NOL4: variants seen among roughly 807,000 people sequenced by gnomAD.
NOL4 encodes nucleolar protein 4.
Under a neutral mutation model 75.9 loss-of-function variants are expected in NOL4, and 17 were observed. The observed-to-expected ratio is 0.22, with a 90% CI of 0.15 to 0.34. NOL4 has a LOEUF of 0.34. NOL4 is among the 10% of genes least tolerant of loss of function. The probability of loss-of-function intolerance (pLI) is 1.00; values close to 1 mark genes in which losing one functional copy is unlikely to be tolerated. For missense variants in NOL4, 614 were observed against 793.5 expected (o/e 0.77, Z 2.72); for synonymous variants, 292 against 289.9 (o/e 1.01, Z -0.07).
chr18:34,089,795 A>G (rs2078420451), intron 5 of NOL4, among the ~76,000 whole-genome samples: 1 of 152,224 alleles, frequency 6.6e-6, no homozygotes, highest in African/African-American at 2.4e-5. Context: ...GGAAGCTGCT[A>G]AACATTATGC....
rs139026817 is a variant in NOL4 at position 34,020,568 on chromosome 18, G to A, written c.773-967C>T. On this transcript the variant is annotated intron_variant, in intron 5 of 10. Coordinates refer to ENST00000261592, the MANE Select transcript of NOL4 (RefSeq NM_003787.5). The stretch of plus-strand genomic sequence containing the variant: ...GTAGGTAAACATTTATACCAGTGTT[G>A]TTCATAATAGCAAAAAATTAGAAAT... 3.4e-3 allele frequency among the ~76,000 whole-genome samples: 513 copies of A among 152,178 alleles called. 3 individuals carry two copies. Among genetic ancestry groups the A allele is most frequent in the African/African-American group, 0.012 (487 of 41,528 alleles).
intron 1 of NOL4, among the ~76,000 whole-genome samples, chr18:34,156,182 C>T (rs1356600671): frequency 6.6e-6 from 1 of 152,150 alleles, no homozygotes; most frequent in Non-Finnish European, 1.5e-5. Flanking sequence ...TAAGATCTTA[C>T]ATCCTCTATC....
chr18:34,211,217 A>G (rs2146560962), intron 1 of NOL4, among the ~76,000 whole-genome samples: 1 of 152,356 alleles, frequency 6.6e-6, no homozygotes, highest in South Asian at 2.1e-4. Context: ...GCTAATTATG[A>G]ATTACATATT....
chr18:33,953,189 G>A (rs570092156), intron 8 of NOL4, among the ~76,000 whole-genome samples: 28 of 102,112 alleles, frequency 2.7e-4, no homozygotes, highest in African/African-American at 8.7e-4. Context: ...GAAGAAAAGC[G>A]TTTTAATCTT....
chr18:34,181,217 A>C (rs1036185767), intron 1 of NOL4, among the ~76,000 whole-genome samples: 1 of 151,584 alleles, frequency 6.6e-6, no homozygotes, highest in African/African-American at 2.4e-5. Context: ...TAGAACGAAG[A>C]TAGACATGTA....
At chr18:33,887,620 C>CCG (rs1382276251) in intron 9 of NOL4, among the ~76,000 whole-genome samples, 2 of 151,760 alleles carry the variant, frequency 1.3e-5, no homozygotes, top group Non-Finnish European at 1.5e-5. Flanking sequence ...TGCCTTGTGT[C>CCG]CATGTATTCT....
intron 1 of NOL4, among the ~76,000 whole-genome samples, chr18:34,131,991 C>T (rs2080673563): frequency 1.3e-5 from 2 of 152,158 alleles, no homozygotes. Context: ...TTTATTTTCT[C>T]ATAATCCTGG....
intron 9 of NOL4, among the ~76,000 whole-genome samples, chr18:33,892,385 T>C: frequency 6.6e-6 from 1 of 152,110 alleles, no homozygotes; most frequent in East Asian, 1.9e-4. Context: ...GAGCTGTGAT[T>C]GTGCTACTGC....
At chr18:34,038,147 A>T (rs977876146) in intron 5 of NOL4, among the ~76,000 whole-genome samples, 1 of 152,134 alleles carries the variant, frequency 6.6e-6, no homozygotes, top group Non-Finnish European at 1.5e-5. Flanking sequence ...AAAATGCTCA[A>T]CATCAGTAAT....
chr18:33,979,857 C>T (rs1006890476), intron 6 of NOL4, among the ~76,000 whole-genome samples: 36 of 152,132 alleles, frequency 2.4e-4, no homozygotes, highest in African/African-American at 7.7e-4. Context: ...ACTGTCGGCT[C>T]ATAACACCAT....
At chr18:33,889,790 A>G (rs1205487832) in intron 9 of NOL4, among the ~76,000 whole-genome samples, 1 of 152,198 alleles carries the variant, frequency 6.6e-6, no homozygotes, top group Non-Finnish European at 1.5e-5. Flanking sequence ...CATAAATCAC[A>G]TGATTATATC....
intron 5 of NOL4, among the ~76,000 whole-genome samples, chr18:34,078,381 T>C (rs1025584792): frequency 3.9e-5 from 6 of 152,142 alleles, no homozygotes; most frequent in Non-Finnish European, 5.9e-5. Context: ...TAAAGACAAT[T>C]GTCAAAATGT....
intron 9 of NOL4, among the ~76,000 whole-genome samples, chr18:33,889,576 C>T (rs1277228039): frequency 6.6e-6 from 1 of 152,004 alleles, no homozygotes; most frequent in African/African-American, 2.4e-5. Flanking sequence ...CTGGTAGAGA[C>T]ACATCAAAAA....
intron 1 of NOL4, among the ~76,000 whole-genome samples, chr18:34,132,188 C>T (rs889443739): frequency 1.6e-4 from 24 of 152,154 alleles, no homozygotes; most frequent in African/African-American, 5.3e-4. Context: ...GGTGAGGACC[C>T]TTATGATGAG....
chr18:34,046,839 T>C (rs1373301645), intron 5 of NOL4, among the ~76,000 whole-genome samples: 1 of 151,714 alleles, frequency 6.6e-6, no homozygotes, highest in Non-Finnish European at 1.5e-5. Flanking sequence ...TACTTTAATT[T>C]GTTCTCTGGG....
chr18:34,118,406 C>T (rs1190854087), intron 2 of NOL4, among the ~76,000 whole-genome samples: 1 of 151,946 alleles, frequency 6.6e-6, no homozygotes, highest in Non-Finnish European at 1.5e-5. Flanking sequence ...ATATATGTAA[C>T]TAAATTAAGA....
intron 1 of NOL4, among the ~76,000 whole-genome samples, chr18:34,146,123 G>A (rs1190264933): frequency 6.6e-6 from 1 of 151,996 alleles, no homozygotes; most frequent in East Asian, 1.9e-4. Flanking sequence ...ACTTTCCATT[G>A]CATCCCTTAC....
chr18:34,176,075 G>A lies in NOL4; in HGVS notation c.265-46055C>T, dbSNP rs1429134924. ...ATTTAAATATGTTCAAAGAGCTAAAGAAGAGTATAAGAACATTGTCACACT... is the reference window on the plus strand; with the variant it reads ...ATTTAAATATGTTCAAAGAGCTAAAAAAGAGTATAAGAACATTGTCACACT... On this transcript the variant is annotated intron_variant, in intron 1 of 10. Coordinates refer to ENST00000261592, the MANE Select transcript of NOL4 (RefSeq NM_003787.5). 4.6e-5 allele frequency among the ~76,000 whole-genome samples: 7 copies of A among 152,032 alleles called. No individual in the cohort carries two copies. In the East Asian group the frequency reaches 1.4e-3, roughly 29 times the overall value.
chr18:34,043,723 G>A (rs2076239637), intron 5 of NOL4, among the ~76,000 whole-genome samples: 1 of 152,072 alleles, frequency 6.6e-6, no homozygotes, highest in Non-Finnish European at 1.5e-5. Flanking sequence ...GTAAATTAAA[G>A]GGTGCACAGT....
Sources: allele counts gnomAD v4.1 joint callset (sites outside exome capture counted in the v4.1 genomes callset), GRCh38; gene constraint gnomAD v4.1.1; transcripts MANE v1.5; gene names NCBI Gene and HGNC (gene_info 2026-07-23, HGNC 2026-07-21).